RND1: variants seen among roughly 807,000 people sequenced by gnomAD.
The protein encoded by RND1 is rho-related GTP-binding protein Rho6.
A neutral mutation model predicts 27.1 loss-of-function variants in RND1; 9 were observed. The ratio of observed to expected loss-of-function variants is 0.33; its 90% CI spans 0.20 to 0.58. The LOEUF (loss-of-function observed/expected upper bound fraction) is 0.58, where lower values mean the gene tolerates loss of function less well. RND1 is among the 20% of genes least tolerant of loss of function. RND1 has a pLI of 0.86. For synonymous variants in RND1, 108 were observed against 115.7 expected (o/e 0.93, Z 0.43); for missense variants, 253 against 292.2 (o/e 0.87, Z 0.98).
intron 2 of RND1, among the ~76,000 whole-genome samples, chr12:48,863,559 T>C (rs1938945713): frequency 6.6e-6 from 1 of 152,146 alleles, no homozygotes; most frequent in Non-Finnish European, 1.5e-5. Flanking sequence ...AGCTGCATTC[T>C]AGCCCAATCT....
rs1318731867 is a variant in RND1, at chr12:48,857,746, G to C, written c.*250C>G. 1 of 363,820 alleles carries C rather than the reference G, an allele frequency of 2.7e-6. No individual in the cohort carries two copies. The highest frequency in any genetic ancestry group is 4.9e-6 in the Non-Finnish European group (1 of 203,658). 22.5% of individuals were successfully genotyped at this position (363,820 alleles called of 1,614,324 possible). ...AGCTTTCCTTCCTCTGGAGCGGGGGGGGCACTGGGGTAGTCGCCCCCTCCA... is the reference window on the plus strand; with the variant it reads ...AGCTTTCCTTCCTCTGGAGCGGGGGCGGCACTGGGGTAGTCGCCCCCTCCA... On this transcript the variant is annotated 3_prime_UTR_variant, in exon 5 of 5. Transcript: ENST00000309739.
chr12:48,865,520 T>A lies in RND1; in HGVS notation c.120+128A>T, dbSNP rs1386679092. Reference sequence around the variant, plus strand: ...CCAGCCAAAAAGCAGCTGAGGATGGTAAAGCCTCAGAAAGCGGCTGAGGAT... The same window carrying A: ...CCAGCCAAAAAGCAGCTGAGGATGGAAAAGCCTCAGAAAGCGGCTGAGGAT... On this transcript the variant is annotated intron_variant, in intron 1 of 4. Coordinates refer to ENST00000309739, the MANE Select transcript of RND1 (RefSeq NM_014470.4). 3.6e-6 allele frequency: 4 copies of A among 1,118,532 alleles called. No individual in the cohort carries two copies. In the East Asian group the frequency reaches 7.8e-5, roughly 22 times the overall value. 69.3% of individuals were successfully genotyped at this position (1,118,532 alleles called of 1,614,324 possible). A position where few individuals can be genotyped will look rare whatever the true frequency, so the allele number is the denominator to read the frequency against.
intron 1 of RND1, 66 bp downstream of exon 1, chr12:48,865,582 T>C: frequency 6.5e-7 from 1 of 1,543,670 alleles, no homozygotes; most frequent in African/African-American, 1.4e-5. Flanking sequence ...CCTGAGCAGG[T>C]GGAAATCTAC....
intron 1 of RND1, 45 bp downstream of exon 1, chr12:48,865,603 G>A (rs750193247): frequency 1.3e-6 from 2 of 1,575,916 alleles, no homozygotes; most frequent in Admixed American, 1.8e-5. Flanking sequence ...CCCAAGGCGG[G>A]CAGGCAGGGA....
chr12:48,863,983 G>A (rs1938951735), intron 2 of RND1, among the ~76,000 whole-genome samples: 1 of 152,152 alleles, frequency 6.6e-6, no homozygotes, highest in Admixed American at 6.6e-5. Flanking sequence ...GGATAGCCTA[G>A]CACTAAGGGC....
chr12:48,861,649 TG>T (rs1309904360), intron 3 of RND1, among the ~76,000 whole-genome samples: 2 of 152,214 alleles, frequency 1.3e-5, no homozygotes, highest in Non-Finnish European at 2.9e-5. Context: ...CCATTCTCAG[TG>T]GGACTGGGAT....
At chr12:48,863,455 G>A (rs1327696862) in intron 2 of RND1, among the ~76,000 whole-genome samples, 6 of 152,136 alleles carry the variant, frequency 3.9e-5, no homozygotes, top group African/African-American at 1.2e-4. Flanking sequence ...GGCGGTGGTA[G>A]TGAAAAGAGA....
At chr12:48,864,416 T>TGTGTGTGTGTGTGTGTGCGCGC (rs141121524) in intron 2 of RND1, among the ~76,000 whole-genome samples, 63 of 135,552 alleles carry the variant, frequency 4.6e-4, no homozygotes, top group African/African-American at 1.7e-3. Flanking sequence ...TGTGTGTGTG[T>TGTGTGTGTGTGTGTGTGCGCGC]GCGCGCGCGC....
chr12:48,865,710 C>T lies in RND1; in HGVS notation c.58G>A (p.Gly20Arg), dbSNP rs1254998824. The T allele has an allele frequency of 6.2e-7, 1 of 1,613,956 alleles. No homozygotes were observed. Among genetic ancestry groups the T allele is most frequent in the Non-Finnish European group, 8.5e-7 (1 of 1,179,874 alleles). The stretch of plus-strand genomic sequence containing the variant: ...GCGGTCTTCCCACACTGCACGTCCC[C>T]GACCAGAACGAGCTTACATCTGGCC... Reference protein sequence around the residue: ...VVARCKLVLVGDVQCGKTAML... With the variant: ...VVARCKLVLVRDVQCGKTAML... The change falls in exon 1 of 5, where the codon GGG (glycine) becomes AGG (arginine). Residue 20 changes from glycine (G) to arginine (R), a missense_variant. Physicochemically the swap from Gly to Arg is moderately radical, Grantham distance 125 (BLOSUM62 -2). Coordinates refer to ENST00000309739, the MANE Select transcript of RND1 (RefSeq NM_014470.4).
In RND1 at chr12:48,862,006, T is replaced by C. The variant is rs771855643; in HGVS notation, c.318+3A>G. 5 of 1,537,358 alleles carry C rather than the reference T, an allele frequency of 3.3e-6. No individual in the cohort carries two copies. In the South Asian group the frequency reaches 5.6e-5, roughly 17 times the overall value. On this transcript the variant is annotated splice_donor_region_variant and intron_variant, in intron 3 of 4. Transcript: ENST00000309739. ...AGAGATTAGAGAGTTGATCTAGTCT[T>C]ACCTTCTTGAGTGCGCTGTCCACTG... is the stretch of plus-strand genomic sequence containing the variant.
At chr12:48,861,239 A>C (rs953663904) in intron 3 of RND1, 108 bp from the exon 4 acceptor site, 38 of 1,054,204 alleles carry the variant, frequency 3.6e-5, no homozygotes, top group South Asian at 4.6e-5. Context: ...ACATCACCTC[A>C]CTCATCACCA....
Position 48,860,928 on chromosome 12 carries a change from A to G in RND1, c.453+69T>C, listed in dbSNP as rs1282479196. On this transcript the variant is annotated intron_variant, in intron 4 of 4. Transcript: ENST00000309739. ...TAGTGGAAGAATTTGAGCCAGGGCC[A>G]TATTTCAAGCTGTCTGCCTCTAGCC... is the stretch of plus-strand genomic sequence containing the variant. 15 of 1,602,638 alleles carry G rather than the reference A, an allele frequency of 9.4e-6. No homozygotes were observed. The South Asian group carries it at 9.9e-5, about 11-fold the overall frequency.
intron 4 of RND1, among the ~76,000 whole-genome samples, 160 bp downstream of exon 4, chr12:48,860,837 G>A (rs1287902022): frequency 6.6e-6 from 1 of 152,202 alleles, no homozygotes; most frequent in East Asian, 1.9e-4. Flanking sequence ...ATCTGGGTAA[G>A]CAGGTGCCCA....
intron 1 of RND1, 124 bp from the exon 2 acceptor site, chr12:48,864,994 A>G (rs111740072): frequency 1.3e-5 from 10 of 771,612 alleles, no homozygotes; most frequent in Middle Eastern, 3.5e-4. Flanking sequence ...ACCAGAGGAG[A>G]TGCCTGGGGC....
At chr12:48,863,483 C>T (rs908069988) in intron 2 of RND1, among the ~76,000 whole-genome samples, 2 of 152,046 alleles carry the variant, frequency 1.3e-5, no homozygotes, top group Non-Finnish European at 2.9e-5. Context: ...CAGTAAGATT[C>T]TGGGAAGATT....
At position 48,857,960 on chromosome 12, in the gene RND1, G is replaced by A. The variant is rs539137120; in HGVS notation, c.*36C>T. On this transcript the variant is annotated 3_prime_UTR_variant, in exon 5 of 5. Transcript: ENST00000309739. ...CCCGTGCCTCTGCACCCCAAGGGAG[G>A]AAGTAGGGGGTTGTCTCCCCCCTCC... The A allele has an allele frequency of 1.3e-6, 2 of 1,556,592 alleles. No homozygotes were observed. Among genetic ancestry groups the A allele is most frequent in the African/African-American group, 1.4e-5 (1 of 73,392 alleles).
chr12:48,858,138 A>G lies in RND1; in HGVS notation c.557T>C (p.Leu186Pro). 6.2e-7 allele frequency: 1 copy of G among 1,614,130 alleles called. No homozygotes were observed. Among genetic ancestry groups the G allele is most frequent in the South Asian group, 1.1e-5 (1 of 91,084 alleles). Residue 186 changes from leucine to proline, a missense_variant, in exon 5 of 5, where the codon CTG (leucine) becomes CCG (proline). Transcript: ENST00000309739. Reference sequence around the variant, plus strand: ...CAGTGGGCTAGGCTTGTTCAGACACAGCATGGATGCCGTCCGAAAGATGCT... The same window carrying G: ...CAGTGGGCTAGGCTTGTTCAGACACGGCATGGATGCCGTCCGAAAGATGCT... ...IHSIFRTASM[L>P]CLNKPSPLPQ...
At chr12:48,862,767 G>C (rs1164414106) in intron 2 of RND1, among the ~76,000 whole-genome samples, 7 of 152,204 alleles carry the variant, frequency 4.6e-5, no homozygotes, top group African/African-American at 1.7e-4. Context: ...AGAGGCTAGA[G>C]CAAGAGTCCT....
rs183089744 is a variant in RND1 at position 48,860,022 on chromosome 12, C to A, written c.453+975G>T. On this transcript the variant is annotated intron_variant, in intron 4 of 4. Coordinates refer to ENST00000309739, the MANE Select transcript of RND1 (RefSeq NM_014470.4). Reference sequence around the variant, plus strand: ...TGAACTCCTGACCTGAAGTGATCCACCTGCCTCCGTCTCCCAAAGTGCTGG... The same window carrying A: ...TGAACTCCTGACCTGAAGTGATCCAACTGCCTCCGTCTCCCAAAGTGCTGG... 4.6e-5 allele frequency among the ~76,000 whole-genome samples: 7 copies of A among 151,260 alleles called. No individual in the cohort carries two copies. The South Asian group carries it at 6.3e-4, about 14-fold the overall frequency.
Sources: allele counts gnomAD v4.1 joint callset (sites outside exome capture counted in the v4.1 genomes callset), GRCh38; gene constraint gnomAD v4.1.1; transcripts MANE v1.5; gene names NCBI Gene and HGNC (gene_info 2026-07-23, HGNC 2026-07-21).